Variants in ZNF449 observed in about 807,000 individuals in gnomAD.
The protein encoded by ZNF449 is zinc finger protein 449.
A neutral mutation model predicts 32.6 loss-of-function variants in ZNF449; 4 were observed. The ratio of observed to expected loss-of-function variants is 0.12; its 90% CI spans 0.06 to 0.28. The LOEUF is 0.28. ZNF449 is among the 10% of genes least tolerant of loss of function. The pLI is 1.00. For synonymous variants in ZNF449, 123 were observed against 132.2 expected, an observed-to-expected ratio of 0.93 and a Z score of 0.48; for missense variants, 275 against 383.2, an observed-to-expected ratio of 0.72 and a Z score of 2.36.
At position 135,360,478 on chromosome X, in the gene ZNF449, A is replaced by G; in HGVS notation, c.959A>G (p.Glu320Gly). The G allele has an allele frequency of 8.3e-7, 1 of 1,211,761 alleles. No homozygotes were observed. Among genetic ancestry groups the G allele is most frequent in the Non-Finnish European group, 1.1e-6 (1 of 895,423 alleles). ...CCCCACAAGAAAAAGAGTCCAGGAG[A>G]GAAACCTCACCGATGTCCTCAGTGT... ...PKPHKKKSPG[E>G]KPHRCPQCGK... Residue 320 changes from glutamate to glycine, a missense_variant, in exon 5 of 5, where the codon GAG (glutamate) becomes GGG (glycine). Glu to Gly is a moderately conservative substitution (Grantham distance 98). This residue lies in a region of ZNF449 where 165 missense variants were observed against 175.0 expected (regional missense o/e 0.94). Coordinates refer to ENST00000339249, the MANE Select transcript of ZNF449 (RefSeq NM_152695.6).
chrX:135,358,193 C>G (rs782499213), intron 3 of ZNF449, among the ~76,000 whole-genome samples: 2 of 111,252 alleles, frequency 1.8e-5, no homozygotes, highest in Non-Finnish European at 3.8e-5. Flanking sequence ...CAAAGTTATA[C>G]TAACTTAATG....
chrX:135,351,562 T>G (rs946444372), intron 3 of ZNF449, among the ~76,000 whole-genome samples: 1 of 107,883 alleles, frequency 9.3e-6, no homozygotes, highest in Admixed American at 1.0e-4. Context: ...AGGAAAACTT[T>G]ACAAGTATGC....
At position 135,347,219 on chromosome X, in the gene ZNF449, G is replaced by A. The variant is rs2084853830; in HGVS notation, c.101G>A (p.Arg34Lys). 2 of 1,210,960 alleles carry A rather than the reference G, an allele frequency of 1.7e-6. No individual in the cohort carries two copies. Among genetic ancestry groups the A allele is most frequent in the Non-Finnish European group, 2.2e-6 (2 of 895,463 alleles). Residue 34 changes from arginine (R) to lysine (K), a missense_variant, in exon 2 of 5, where the codon AGG becomes AAG. Around this residue, in one of 3 missense-constraint regions of ZNF449, gnomAD observed 30 missense variants for 61.6 expected, o/e 0.49. Coordinates refer to ENST00000339249, the MANE Select transcript of ZNF449 (RefSeq NM_152695.6). ...TDCEVFRQRF[R>K]QFQYREAAGP... ...TGTGAAGTTTTCCGTCAGCGCTTCA[G>A]GCAGTTCCAGTACAGAGAAGCAGCT...
intron 3 of ZNF449, among the ~76,000 whole-genome samples, chrX:135,358,017 T>G (rs1556452419): frequency 5.4e-5 from 6 of 111,910 alleles, no homozygotes; most frequent in Admixed American, 4.8e-4. Flanking sequence ...CTTTCTGTTT[T>G]CTATATGCCT....
In ZNF449 at chrX:135,361,161, G is replaced by T; in HGVS notation, c.*85G>T. 1 of 898,796 alleles carries T rather than the reference G, an allele frequency of 1.1e-6. No homozygotes were observed. The allele number at this position is 898,796 out of a possible 1,213,427, so 74.1% of individuals were successfully genotyped here. On this transcript the variant is annotated 3_prime_UTR_variant, in exon 5 of 5. Transcript: ENST00000339249. The stretch of plus-strand genomic sequence containing the variant: ...CTGCAGCAGGCTGTTTGTCTTGGAA[G>T]CTTTTGTTTGAGCTTATAAGAACAT...
chrX:135,355,736 C>T (rs1232551042), intron 3 of ZNF449, among the ~76,000 whole-genome samples: 3 of 111,381 alleles, frequency 2.7e-5, no homozygotes, highest in Non-Finnish European at 5.7e-5. Context: ...TACATTGTCA[C>T]CCCTTTGAAG....
Position 135,360,470 on chromosome X carries a change from T to C in ZNF449, c.951T>C (p.Ser317=). Residue 317 remains serine, a synonymous_variant, in exon 5 of 5, where the codon AGT becomes AGC. Coordinates refer to ENST00000339249, the MANE Select transcript of ZNF449 (RefSeq NM_152695.6). ...PLNPKPHKKK[S]PGEKPHRCPQ... is the part of the protein sequence containing the mutation. ...ACCCTAAACCCCACAAGAAAAAGAG[T>C]CCAGGAGAGAAACCTCACCGATGTC... 1 of 1,210,110 alleles carries C rather than the reference T, an allele frequency of 8.3e-7. No homozygotes were observed. The highest frequency in any genetic ancestry group is 2.2e-5 in the Admixed American group (1 of 45,866).
chrX:135,353,465 C>T (rs1207580413), intron 3 of ZNF449, among the ~76,000 whole-genome samples: 1 of 109,271 alleles, frequency 9.2e-6, no homozygotes, highest in Admixed American at 9.7e-5. Flanking sequence ...AGTAAAATTT[C>T]TTCACTTAAT....
At position 135,349,230 on chromosome X, in the gene ZNF449, G is replaced by A. The variant is rs147143368; in HGVS notation, c.475G>A (p.Val159Ile). 149 of 1,209,940 alleles carry A rather than the reference G, an allele frequency of 1.2e-4. No individual in the cohort carries two copies. In the African/African-American group the frequency reaches 2.3e-3, roughly 19 times the overall value. ...AATGGGACCTGCCCAGGAGGCCCCA[G>A]TAGCAGAGGCATGGATCCCACAGGC... ...QVMGPAQEAP[V>I]AEAWIPQAGP... is the part of the protein sequence containing the mutation. Residue 159 changes from valine (V) to isoleucine (I), a missense_variant, in exon 3 of 5, where the codon GTA (valine) becomes ATA (isoleucine). Physicochemically the swap from Val to Ile is conservative, Grantham distance 29. This residue lies in a region of ZNF449 where 165 missense variants were observed against 175.0 expected (regional missense o/e 0.94). Coordinates refer to ENST00000339249, the MANE Select transcript of ZNF449 (RefSeq NM_152695.6).
intron 3 of ZNF449, among the ~76,000 whole-genome samples, chrX:135,355,376 A>T (rs1602688467): frequency 9.1e-6 from 1 of 110,145 alleles, no homozygotes; most frequent in African/African-American, 3.3e-5. Flanking sequence ...TTAAATGTAT[A>T]ATTTCTGTTT....
At chrX:135,354,382 C>T (rs1455286656) in intron 3 of ZNF449, among the ~76,000 whole-genome samples, 2 of 112,266 alleles carry the variant, frequency 1.8e-5, no homozygotes, top group African/African-American at 6.5e-5. Context: ...AGGATGGGAA[C>T]TGATACCTAA....
chrX:135,350,165 C>T (rs782035018), intron 3 of ZNF449, among the ~76,000 whole-genome samples: 11 of 111,378 alleles, frequency 9.9e-5, no homozygotes, highest in Admixed American at 8.5e-4. Context: ...CACTACCACA[C>T]GTAGAGACGG....
At chrX:135,359,460 A>G (rs2531372) in intron 3 of ZNF449, among the ~76,000 whole-genome samples, 19,361 of 111,149 alleles carry the variant, frequency 0.17, 1,573 homozygotes, top group East Asian at 0.41. Context: ...TTTAAATTCA[A>G]AAGACTCCAC....
At chrX:135,349,461 T>A in intron 3 of ZNF449, 147 bp downstream of exon 3, 1 of 561,791 alleles carries the variant, frequency 1.8e-6, no homozygotes, top group African/African-American at 2.3e-5. Flanking sequence ...CTGGGAATAG[T>A]AGGGAACAAA....
Position 135,361,109 on chromosome X carries a change from T to A in ZNF449, c.*33T>A. ...TAAGGGAAACAGGTCTTACACAAAT[T>A]GACACTAACTCAAAAAAAATCTTAA... On this transcript the variant is annotated 3_prime_UTR_variant, in exon 5 of 5. Coordinates refer to ENST00000339249, the MANE Select transcript of ZNF449 (RefSeq NM_152695.6). 2.7e-6 allele frequency: 3 copies of A among 1,091,075 alleles called. No homozygotes were observed. The highest frequency in any genetic ancestry group is 3.6e-6 in the Non-Finnish European group (3 of 827,966). The allele number at this position is 1,091,075 out of a possible 1,213,427, so 89.9% of individuals were successfully genotyped here.
In ZNF449 at chrX:135,359,885, T is replaced by C. The variant is rs367753611; in HGVS notation, c.560-7T>C. On this transcript the variant is annotated splice_polypyrimidine_tract_variant and splice_region_variant and intron_variant, in intron 3 of 4. Coordinates refer to ENST00000339249, the MANE Select transcript of ZNF449 (RefSeq NM_152695.6). ...ACTGTAATGCTTCCCATCTTTCTTC[T>C]GGCCAGGATATCCATTACCAAAACT... The C allele has an allele frequency of 8.9e-5, 102 of 1,147,745 alleles. No homozygotes were observed. Among genetic ancestry groups the C allele is most frequent in the Non-Finnish European group, 1.1e-4 (97 of 844,695 alleles). The allele number at this position is 1,147,745 out of a possible 1,213,427, so 94.6% of individuals were successfully genotyped here.
chrX:135,345,512 C>A (rs1419398400), intron 1 of ZNF449, among the ~76,000 whole-genome samples: 3 of 112,299 alleles, frequency 2.7e-5, no homozygotes, highest in Non-Finnish European at 3.8e-5. Context: ...TGACTCCTGA[C>A]AAGCAATAAA....
intron 2 of ZNF449, chrX:135,347,839 T>G (rs1357678787): frequency 1.8e-5 from 7 of 383,306 alleles, no homozygotes; most frequent in Non-Finnish European, 2.6e-5. Flanking sequence ...TTTTTTATCT[T>G]GTTGAAAGGT....
chrX:135,350,021 T>A (rs1236609411), intron 3 of ZNF449, among the ~76,000 whole-genome samples: 1 of 108,269 alleles, frequency 9.2e-6, no homozygotes, highest in South Asian at 4.0e-4. Context: ...TTTTTTTTTT[T>A]CTGAGACGGG....
Sources: gnomAD v4.1 joint callset for allele counts (sites outside exome capture counted in the v4.1 genomes callset) on GRCh38, gnomAD v4.1.1 for gene constraint, gnomAD v4.1.1 regional missense constraint, MANE v1.5 for transcripts, NCBI Gene and HGNC (gene_info 2026-07-23, HGNC 2026-07-21) for gene names.